Variants in LOC400499 observed in about 807,000 individuals in gnomAD.
chr16:11,483,517 G>A, the LOC400499 span, among the ~76,000 whole-genome samples: 60 of 152,190 alleles, frequency 3.9e-4, no homozygotes, highest in African/African-American at 1.4e-3. Context: ...GTGAGTCTCA[G>A]AATAATTATG....
chr16:11,381,692 T>C, the LOC400499 span, among the ~76,000 whole-genome samples: 1 of 152,224 alleles, frequency 6.6e-6, no homozygotes, highest in African/African-American at 2.4e-5. Context: ...TTTTCATTCT[T>C]AAATAATAGT....
At chr16:11,383,315 C>T in the LOC400499 span, among the ~76,000 whole-genome samples, 8 of 152,174 alleles carry the variant, frequency 5.3e-5, no homozygotes, top group South Asian at 2.1e-4. Context: ...GATGCACCCA[C>T]CTCAGCCTCC....
the LOC400499 span, among the ~76,000 whole-genome samples, chr16:11,422,660 C>T: frequency 6.6e-6 from 1 of 152,158 alleles, no homozygotes; most frequent in Non-Finnish European, 1.5e-5. Flanking sequence ...CCGTCTCAAA[C>T]CTGGGGATAC....
the LOC400499 span, among the ~76,000 whole-genome samples, chr16:11,476,511 G>A: frequency 7.9e-5 from 12 of 151,986 alleles, no homozygotes; most frequent in African/African-American, 2.2e-4. Flanking sequence ...CCACACTCAC[G>A]GACACACCCT....
At chr16:11,478,529 C>A in the LOC400499 span, 1 of 399,056 alleles carries the variant, frequency 2.5e-6, no homozygotes, top group Non-Finnish European at 4.4e-6. Flanking sequence ...GGAGGAGCTA[C>A]CTTCATGAGC....
the LOC400499 span, among the ~76,000 whole-genome samples, chr16:11,502,917 C>CTTTTT: frequency 0.01 from 1,003 of 97,990 alleles, 71 homozygotes; most frequent in African/African-American, 0.015. Flanking sequence ...CCTGGACCAC[C>CTTTTT]TTTTTTTTTT....
At chr16:11,434,572 C>A in the LOC400499 span, among the ~76,000 whole-genome samples, 59,754 of 151,974 alleles carry the variant, frequency 0.39, 12,177 homozygotes, top group South Asian at 0.56. Context: ...GGGAAAAAGA[C>A]CCCCTGTTCC....
At chr16:11,453,890 T>G in the LOC400499 span, among the ~76,000 whole-genome samples, 1 of 151,980 alleles carries the variant, frequency 6.6e-6, no homozygotes, top group Non-Finnish European at 1.5e-5. Flanking sequence ...AGGACCAACA[T>G]CTAACCAATA....
the LOC400499 span, chr16:11,399,867 A>C: frequency 2.5e-6 from 1 of 398,464 alleles, no homozygotes; most frequent in Non-Finnish European, 4.4e-6. Flanking sequence ...TGTAGGGGAG[A>C]GGAGAGGTTA....
the LOC400499 span, among the ~76,000 whole-genome samples, chr16:11,448,307 GGACTTCTCAGCTAAAGGAAGCCAAGTTTT>G: frequency 6.6e-6 from 1 of 152,200 alleles, no homozygotes; most frequent in Non-Finnish European, 1.5e-5. Context: ...AGAAGAACTT[GGACTTCTCAGCTAAAGGAAGCCAAGTTTT>G]GCTCCTGGAT....
the LOC400499 span, among the ~76,000 whole-genome samples, chr16:11,405,303 C>T: frequency 5.3e-5 from 8 of 152,192 alleles, no homozygotes; most frequent in Non-Finnish European, 1.0e-4. Flanking sequence ...AATCATGTAG[C>T]GAGCAGGTAT....
chr16:11,483,214 T>A, the LOC400499 span, among the ~76,000 whole-genome samples: 1 of 152,198 alleles, frequency 6.6e-6, no homozygotes, highest in Non-Finnish European at 1.5e-5. Flanking sequence ...CTGGTGGGAA[T>A]GCAAAAATAG....
chr16:11,390,055 C>G, the LOC400499 span: 1 of 1,165,504 alleles, frequency 8.6e-7, no homozygotes, highest in Non-Finnish European at 1.1e-6. Flanking sequence ...AGCACTGCAC[C>G]TGGTATGTGG....
At chr16:11,483,268 A>C in the LOC400499 span, among the ~76,000 whole-genome samples, 1 of 152,234 alleles carries the variant, frequency 6.6e-6, no homozygotes, top group African/African-American at 2.4e-5. Flanking sequence ...AGAAAAATTT[A>C]AACATATACC....
At chr16:11,407,164 C>T in the LOC400499 span, 1 of 398,952 alleles carries the variant, frequency 2.5e-6, no homozygotes, top group Non-Finnish European at 4.4e-6. Flanking sequence ...GCCCCCCACC[C>T]CAGCGTGCTC....
the LOC400499 span, among the ~76,000 whole-genome samples, chr16:11,386,958 G>A: frequency 6.2e-4 from 95 of 152,358 alleles, no homozygotes; most frequent in African/African-American, 2.1e-3. Flanking sequence ...AAAGCAGGAT[G>A]TGTACCCTCA....
the LOC400499 span, among the ~76,000 whole-genome samples, chr16:11,455,571 C>T: frequency 2.6e-5 from 4 of 151,586 alleles, no homozygotes; most frequent in Non-Finnish European, 5.9e-5. Context: ...CCCGTCTCTA[C>T]TAAAAATAGA....
the LOC400499 span, chr16:11,472,123 T>C: frequency 3.5e-6 from 1 of 284,856 alleles, no homozygotes; most frequent in Non-Finnish European, 6.5e-6. Context: ...ACCAAATATT[T>C]CTGCACATAT....
At chr16:11,376,941 C>CTTT in the LOC400499 span, among the ~76,000 whole-genome samples, 12,065 of 142,890 alleles carry the variant, frequency 0.084, 683 homozygotes, top group Non-Finnish European at 0.13. Flanking sequence ...TGTAAATGGA[C>CTTT]TTTTTTTTTT....
Sources: allele counts gnomAD v4.1 joint callset (sites outside exome capture counted in the v4.1 genomes callset), GRCh38; gene constraint gnomAD v4.1.1; transcripts MANE v1.5.